Variants in SYT2 observed in about 807,000 individuals in gnomAD.
SYT2 encodes synaptotagmin 2, also known as synaptotagmin-2.
Under a neutral mutation model 39.9 loss-of-function variants are expected in SYT2, and 15 were observed. The ratio of observed to expected loss-of-function variants is 0.38; its 90% CI spans 0.25 to 0.58. The LOEUF is 0.58. SYT2 is among the 20% of genes least tolerant of loss of function. SYT2 has a pLI of 0.70. For synonymous variants in SYT2, 181 were observed against 204.5 expected, an observed-to-expected ratio of 0.89 and a Z score of 0.98; for missense variants, 389 against 530.3, an observed-to-expected ratio of 0.73 and a Z score of 2.62.
chr1:202,608,405 T>C (rs1490339851), intron 1 of SYT2, among the ~76,000 whole-genome samples: 4 of 151,682 alleles, frequency 2.6e-5, no homozygotes, highest in Non-Finnish European at 5.9e-5. Flanking sequence ...GCTTCCCGAG[T>C]AGCTGGGATT....
intron 1 of SYT2, among the ~76,000 whole-genome samples, chr1:202,685,007 T>C (rs954634391): frequency 2.0e-5 from 3 of 151,936 alleles, no homozygotes; most frequent in Admixed American, 1.3e-4. Context: ...CAGCCTAAAC[T>C]AGGACAAGGG....
At position 202,623,522 on chromosome 1, in the gene SYT2, T is replaced by A. The variant is rs1219768245; in HGVS notation, c.-17-17733A>T. Among the ~76,000 whole-genome samples, 1 of 152,066 alleles carries A rather than the reference T, an allele frequency of 6.6e-6. No homozygotes were observed. Among genetic ancestry groups the A allele is most frequent in the Non-Finnish European group, 1.5e-5 (1 of 67,974 alleles). On this transcript the variant is annotated intron_variant, in intron 1 of 8. Coordinates refer to ENST00000367268, the MANE Select transcript of SYT2 (RefSeq NM_177402.5). The surrounding 1 kb of genome is among the most constrained non-coding windows in gnomAD (Gnocchi z 4.2). ...CTGGGGCGGAGGAGAGGGTCTTCCA[T>A]TGGTTGGGTGTCAAGATGCTTGGGA...
chr1:202,702,151 C>T (rs1654137798), intron 1 of SYT2, among the ~76,000 whole-genome samples: 1 of 152,174 alleles, frequency 6.6e-6, no homozygotes, highest in South Asian at 2.1e-4. Flanking sequence ...CCAGGGCACC[C>T]CTGCCACCCT....
chr1:202,620,793 G>C (rs1691183637), intron 1 of SYT2, among the ~76,000 whole-genome samples: 1 of 152,138 alleles, frequency 6.6e-6, no homozygotes, highest in African/African-American at 2.4e-5. Flanking sequence ...GGAAGGTGGG[G>C]TGAGACGACC....
intron 1 of SYT2, among the ~76,000 whole-genome samples, chr1:202,606,715 G>A (rs568551344): frequency 9.2e-5 from 14 of 152,156 alleles, no homozygotes; most frequent in South Asian, 4.2e-4. Flanking sequence ...TAGCCTTCCC[G>A]CATCAAAGAT....
At chr1:202,635,502 G>A (rs1430235798) in intron 1 of SYT2, among the ~76,000 whole-genome samples, 1 of 152,188 alleles carries the variant, frequency 6.6e-6, no homozygotes, top group African/African-American at 2.4e-5. Flanking sequence ...GAAACATAGT[G>A]GACTTCAAGA....
chr1:202,678,273 CAAAAAAAAAAAAAAAAAA>C (rs773123862), intron 1 of SYT2, among the ~76,000 whole-genome samples: 1 of 30,728 alleles, frequency 3.3e-5, no homozygotes, highest in East Asian at 9.0e-4. Flanking sequence ...GACTCTGTCT[CAAAAAAAAAAAAAAAAAA>C]AAAAAAAAAA....
chr1:202,690,824 C>A (rs1273209944), intron 1 of SYT2, among the ~76,000 whole-genome samples: 1 of 152,170 alleles, frequency 6.6e-6, no homozygotes, highest in Non-Finnish European at 1.5e-5. Flanking sequence ...ACTTGTGCTT[C>A]CTTGACCTAG....
intron 6 of SYT2, 67 bp from the exon 7 acceptor site, chr1:202,600,541 C>T: frequency 6.8e-7 from 1 of 1,470,584 alleles, no homozygotes; most frequent in Non-Finnish European, 9.5e-7. Flanking sequence ...TGGCTGACCT[C>T]TTTCTTGCCA....
intron 1 of SYT2, among the ~76,000 whole-genome samples, chr1:202,625,105 TG>T (rs1194106737): frequency 0.018 from 30 of 1,636 alleles, no homozygotes; most frequent in South Asian, 0.056. Context: ...GGTATGTGTG[TG>T]GTGTGTGTGG....
At chr1:202,659,938 C>T (rs1692347476) in intron 1 of SYT2, among the ~76,000 whole-genome samples, 2 of 152,178 alleles carry the variant, frequency 1.3e-5, no homozygotes, top group Admixed American at 1.3e-4. Flanking sequence ...ATTAAACCCC[C>T]TGGGTCCCAG....
At chr1:202,709,839 A>T (rs1236586632) in intron 1 of SYT2, among the ~76,000 whole-genome samples, 1 of 151,958 alleles carries the variant, frequency 6.6e-6, no homozygotes, top group Non-Finnish European at 1.5e-5. Context: ...ACTGGGGCAA[A>T]AGAACCTTCC....
In SYT2 at chr1:202,604,422, C is replaced by T. The variant is rs562000181; in HGVS notation, c.345+33G>A. The T allele has an allele frequency of 2.5e-6, 4 of 1,607,752 alleles. No individual in the cohort carries two copies. In the African/African-American group the frequency reaches 4.0e-5, roughly 16 times the overall value. ...CATCAGGAAAGCCTGGGCTGAGCCC[C>T]TTCCAGTCCCCCTCACAACCAATGT... On this transcript the variant is annotated intron_variant, in intron 3 of 8. Transcript: ENST00000367268.
chr1:202,621,837 C>T (rs1439473205), intron 1 of SYT2, among the ~76,000 whole-genome samples: 1 of 152,188 alleles, frequency 6.6e-6, no homozygotes, highest in Non-Finnish European at 1.5e-5. Flanking sequence ...CCTTGGTGTG[C>T]CCCCAAATGA....
chr1:202,665,070 T>G (rs1692456722), intron 1 of SYT2, among the ~76,000 whole-genome samples: 1 of 152,248 alleles, frequency 6.6e-6, no homozygotes, highest in Non-Finnish European at 1.5e-5. Flanking sequence ...TTTAAGTTTT[T>G]AATTTCAATT....
intron 1 of SYT2, among the ~76,000 whole-genome samples, chr1:202,643,867 T>C (rs1183543930): frequency 6.6e-6 from 1 of 151,444 alleles, no homozygotes; most frequent in Non-Finnish European, 1.5e-5. Flanking sequence ...CCTGCAACAC[T>C]CCCCACCCCA....
At chr1:202,635,927 A>C (rs1691728638) in intron 1 of SYT2, among the ~76,000 whole-genome samples, 1 of 152,178 alleles carries the variant, frequency 6.6e-6, no homozygotes, top group Admixed American at 6.5e-5. Context: ...CCTGGCAGGA[A>C]AGATGCTGAA....
chr1:202,596,644 C>A lies in SYT2; in HGVS notation c.*113G>T. On this transcript the variant is annotated 3_prime_UTR_variant, in exon 9 of 9. Coordinates refer to ENST00000367268, the MANE Select transcript of SYT2 (RefSeq NM_177402.5). ...AAAACAAGGAAAAACAAGGACACAA[C>A]CACCCAACAAATGAAAGAAAAAAGA... 9.5e-7 allele frequency: 1 copy of A among 1,049,358 alleles called. No individual in the cohort carries two copies. The highest frequency in any genetic ancestry group is 1.4e-6 in the Non-Finnish European group (1 of 734,124). The allele number at this position is 1,049,358 out of a possible 1,614,324, so 65.0% of individuals were successfully genotyped here.
intron 1 of SYT2, chr1:202,632,524 C>T (rs980892651): frequency 2.4e-5 from 24 of 984,226 alleles, no homozygotes; most frequent in Non-Finnish European, 2.8e-5. Flanking sequence ...GTAAGCTTGG[C>T]GCACAGGCCT....
Sources: allele counts gnomAD v4.1 joint callset (sites outside exome capture counted in the v4.1 genomes callset), GRCh38; gene constraint gnomAD v4.1.1; non-coding constraint Gnocchi (gnomAD v3.1); transcripts MANE v1.5; gene names NCBI Gene and HGNC (gene_info 2026-07-23, HGNC 2026-07-21).